PCDHA5: variants seen among roughly 807,000 people sequenced by gnomAD.
PCDHA5 encodes protocadherin alpha-5.
A neutral mutation model predicts 61.6 loss-of-function variants in PCDHA5; 43 were observed. The observed-to-expected ratio is 0.70, with a 90% CI of 0.55 to 0.90. PCDHA5 has a LOEUF of 0.90. PCDHA5 is among the 40% of genes least tolerant of loss of function. The pLI is 0.00. For synonymous variants in PCDHA5, 627 were observed against 543.9 expected, an observed-to-expected ratio of 1.15 and a Z score of -2.13; for missense variants, 1,298 against 1,222.7, an observed-to-expected ratio of 1.06 and a Z score of -0.92.
chr5:140,957,346 G>C (rs1027225386), intron 1 of PCDHA5, among the ~76,000 whole-genome samples: 7 of 152,080 alleles, frequency 4.6e-5, no homozygotes, highest in Non-Finnish European at 8.8e-5. Flanking sequence ...TTTTGAGAGA[G>C]AGACCACATT....
In PCDHA5 at chr5:141,012,013, G is replaced by A. The variant is rs181445737; in HGVS notation, c.*2076G>A. 25 of 153,796 alleles carry A rather than the reference G, an allele frequency of 1.6e-4. No homozygotes were observed. The highest frequency in any genetic ancestry group is 2.1e-4 in the South Asian group (1 of 4,818). 9.5% of individuals were successfully genotyped at this position (153,796 alleles called of 1,614,324 possible). A position where few individuals can be genotyped will look rare whatever the true frequency, so the allele number is the denominator to read the frequency against. ...CATTCTCCCATATTTTGAAGGGTGTGTAACTTCAGCTCTGCAGGATTGCAT... is the reference window on the plus strand; with the variant it reads ...CATTCTCCCATATTTTGAAGGGTGTATAACTTCAGCTCTGCAGGATTGCAT... On this transcript the variant is annotated 3_prime_UTR_variant, in exon 4 of 4. Transcript: ENST00000529859.
chr5:140,835,605 G>A, intron 1 of PCDHA5: 1 of 1,613,894 alleles, frequency 6.2e-7, no homozygotes, highest in Non-Finnish European at 8.5e-7. Context: ...CTATTCATTG[G>A]TGCTGGACAG....
intron 1 of PCDHA5, among the ~76,000 whole-genome samples, chr5:140,923,593 A>G (rs2081438423): frequency 6.6e-6 from 1 of 152,246 alleles, no homozygotes. Flanking sequence ...TTGTTAATTC[A>G]TAATTTTAAT....
chr5:140,970,881 C>T (rs1316692542), intron 1 of PCDHA5, among the ~76,000 whole-genome samples: 1 of 152,050 alleles, frequency 6.6e-6, no homozygotes, highest in Non-Finnish European at 1.5e-5. Flanking sequence ...GTAGATTTTT[C>T]TCATGGACAT....
chr5:140,967,415 C>T, intron 1 of PCDHA5: 1 of 1,613,142 alleles, frequency 6.2e-7, no homozygotes, highest in African/African-American at 1.3e-5. Flanking sequence ...GGGCCTAGAC[C>T]GGGAGCAGGC....
At chr5:140,973,325 A>G (rs180770098) in intron 1 of PCDHA5, among the ~76,000 whole-genome samples, 71 of 152,216 alleles carry the variant, frequency 4.7e-4, no homozygotes, top group African/African-American at 1.7e-3. Context: ...CAGAGTTTAC[A>G]CTCGTTGTAA....
rs1262601662 is a variant in PCDHA5, at chr5:141,011,550, A to C, written c.*1613A>C. On this transcript the variant is annotated 3_prime_UTR_variant, in exon 4 of 4. Coordinates refer to ENST00000529859, the MANE Select transcript of PCDHA5 (RefSeq NM_018908.3). ...CATTGTTAATCAGCTTTTGTGTATG[A>C]AAGACACAGTAAAATTTCTTTCTTA... 6 of 153,770 alleles carry C rather than the reference A, an allele frequency of 3.9e-5. No homozygotes were observed. The highest frequency in any genetic ancestry group is 1.4e-4 in the African/African-American group (6 of 41,462). The allele number at this position is 153,770 out of a possible 1,614,324, so 9.5% of individuals were successfully genotyped here. A position where few individuals can be genotyped will look rare whatever the true frequency, so the allele number is the denominator to read the frequency against.
At chr5:140,941,240 T>TTTC (rs2092939181) in intron 1 of PCDHA5, among the ~76,000 whole-genome samples, 2 of 141,590 alleles carry the variant, frequency 1.4e-5, no homozygotes, top group Non-Finnish European at 3.0e-5. Flanking sequence ...TCTTTCTTTC[T>TTTC]TTCTTTCTTT....
chr5:140,894,987 T>A lies in PCDHA5; in HGVS notation c.2352+70860T>A, dbSNP rs564159529. On this transcript the variant is annotated intron_variant, in intron 1 of 3. Transcript: ENST00000529859. ...TTTTTTAATGTCTTACTTTGTGACA[T>A]CCTTTACCCTTTTTACTTGGACCTT... 3.3e-5 allele frequency among the ~76,000 whole-genome samples: 5 copies of A among 152,318 alleles called. No individual in the cohort carries two copies. In the East Asian group the frequency reaches 9.6e-4, roughly 29 times the overall value.
At chr5:140,870,900 C>T in intron 1 of PCDHA5, 1 of 1,613,956 alleles carries the variant, frequency 6.2e-7, no homozygotes, top group Non-Finnish European at 8.5e-7. Flanking sequence ...TGGATGCGGA[C>T]TCAGGCTACA....
chr5:141,006,465 G>T (rs1338372692), intron 3 of PCDHA5, among the ~76,000 whole-genome samples: 3 of 151,948 alleles, frequency 2.0e-5, no homozygotes, highest in Non-Finnish European at 4.4e-5. Context: ...TGCCTGTCTC[G>T]GCCTCCCAAA....
At chr5:140,849,964 T>A in intron 1 of PCDHA5, 1 of 1,597,810 alleles carries the variant, frequency 6.3e-7, no homozygotes. Flanking sequence ...AACGCCCTGG[T>A]GTCCTACTCG....
Position 140,823,376 on chromosome 5 carries a change from T to C in PCDHA5, c.1601T>C (p.Val534Ala), listed in dbSNP as rs2150125148. The C allele has an allele frequency of 9.9e-6, 16 of 1,612,654 alleles. No individual in the cohort carries two copies. Among genetic ancestry groups the C allele is most frequent in the Non-Finnish European group, 1.4e-5 (16 of 1,179,806 alleles). The stretch of plus-strand genomic sequence containing the variant: ...GAAGTGGAGCTGCTGCAGTTCCAGG[T>C]GAGCGCGCGCGACGCGGGCGTGCCG... The part of the protein sequence containing the change: ...HEEVELLQFQ[V>A]SARDAGVPPL... Residue 534 changes from valine (V) to alanine (A), a missense_variant, in exon 1 of 4, where the codon GTG becomes GCG. Transcript: ENST00000529859.
At chr5:140,926,854 G>C (rs1554203742) in intron 1 of PCDHA5, 3 of 1,520,530 alleles carry the variant, frequency 2.0e-6, no homozygotes, top group South Asian at 2.6e-5. Flanking sequence ...GTCACCGTTG[G>C]TGTAGCGTGT....
chr5:140,967,800 TGGCA>T, intron 1 of PCDHA5: 1 of 1,614,174 alleles, frequency 6.2e-7, no homozygotes, highest in Non-Finnish European at 8.5e-7. Context: ...CCAGTGCCCA[TGGCA>T]GGTCACTGCA....
intron 1 of PCDHA5, chr5:140,927,510 G>A: frequency 1.9e-6 from 3 of 1,614,090 alleles, no homozygotes; most frequent in Non-Finnish European, 2.5e-6. Flanking sequence ...TTACAGCTCG[G>A]GACGGCGGGC....
In PCDHA5 at chr5:140,829,696, G is replaced by T. The variant is rs2150172625; in HGVS notation, c.2352+5569G>T. The T allele has an allele frequency of 1.4e-5, 22 of 1,613,156 alleles. No individual in the cohort carries two copies. The South Asian group carries it at 2.1e-4, about 15-fold the overall frequency. On this transcript the variant is annotated intron_variant, in intron 1 of 3. Transcript: ENST00000529859. ...AGCTAGAGCTGCTGCAGTTTCAGGTGAGCGCGCGCGACGCGGGCGTGCCGC... is the reference window on the plus strand; with the variant it reads ...AGCTAGAGCTGCTGCAGTTTCAGGTTAGCGCGCGCGACGCGGGCGTGCCGC...
At chr5:140,838,415 C>T (rs950312767) in intron 1 of PCDHA5, among the ~76,000 whole-genome samples, 1 of 151,548 alleles carries the variant, frequency 6.6e-6, no homozygotes, top group African/African-American at 2.4e-5. Flanking sequence ...TGAGCCACCG[C>T]ATCCGGCCTA....
chr5:140,909,341 T>C (rs2074443719), intron 1 of PCDHA5, among the ~76,000 whole-genome samples: 1 of 152,222 alleles, frequency 6.6e-6, no homozygotes, highest in African/African-American at 2.4e-5. Context: ...GCATACCAGG[T>C]ACCAAGAGAT....
Sources: allele counts gnomAD v4.1 joint callset (sites outside exome capture counted in the v4.1 genomes callset), GRCh38; gene constraint gnomAD v4.1.1; transcripts MANE v1.5; gene names NCBI Gene and HGNC (gene_info 2026-07-23, HGNC 2026-07-21).